The following CPNE4 variants were observed in gnomAD, a reference collection of about 807,000 sequenced individuals.
CPNE4 encodes copine 4, also known as copine-4.
Under a neutral mutation model 67.9 loss-of-function variants are expected in CPNE4, and 25 were observed. That is an observed-to-expected ratio of 0.37 (90% CI 0.27 to 0.51). The LOEUF (loss-of-function observed/expected upper bound fraction) is 0.51. Among genes scored for constraint, CPNE4 ranks in the 20% least tolerant of loss-of-function variants. The pLI, the probability that CPNE4 is intolerant of heterozygous loss-of-function variation, is 0.93. For synonymous variants in CPNE4, 242 were observed against 244.9 expected (o/e 0.99, Z 0.11); for missense variants, 464 against 690.8 (o/e 0.67, Z 3.68).
At chr3:132,028,674 G>A (rs570464354) in intron 1 of CPNE4, among the ~76,000 whole-genome samples, 17 of 152,094 alleles carry the variant, frequency 1.1e-4, no homozygotes, top group East Asian at 3.9e-4. Context: ...GAAAAATGGC[G>A]AAAGTAATTT....
chr3:131,573,162 T>TA (rs559561319), intron 10 of CPNE4, among the ~76,000 whole-genome samples: 8 of 152,090 alleles, frequency 5.3e-5, no homozygotes, highest in Non-Finnish European at 1.2e-4. Flanking sequence ...CCTGAAACCC[T>TA]ACAGGAGGAA....
intron 1 of CPNE4, among the ~76,000 whole-genome samples, chr3:131,984,300 A>G (rs1235345406): frequency 1.3e-5 from 2 of 152,196 alleles, no homozygotes; most frequent in Non-Finnish European, 1.5e-5. Context: ...TTAGAATTTA[A>G]TGGTTACAAC....
chr3:131,881,921 C>T (rs1261546809), intron 2 of CPNE4, among the ~76,000 whole-genome samples: 1 of 152,144 alleles, frequency 6.6e-6, no homozygotes, highest in Non-Finnish European at 1.5e-5. Context: ...TCTCTGCACA[C>T]AAAGATTTCT....
chr3:131,643,369 CTGGTAGCCCCT>C (rs2079584455), intron 7 of CPNE4, among the ~76,000 whole-genome samples: 1 of 152,188 alleles, frequency 6.6e-6, no homozygotes, highest in Non-Finnish European at 1.5e-5. Flanking sequence ...TTGCATGGGG[CTGGTAGCCCCT>C]TTGTTTTAGC....
chr3:131,844,115 G>C (rs140363787), intron 2 of CPNE4, among the ~76,000 whole-genome samples: 1 of 151,966 alleles, frequency 6.6e-6, no homozygotes, highest in Non-Finnish European at 1.5e-5. Flanking sequence ...CCTCATCCTC[G>C]TCCCCTCTTT....
chr3:131,637,020 G>A (rs1397375586), intron 7 of CPNE4, among the ~76,000 whole-genome samples: 1 of 152,128 alleles, frequency 6.6e-6, no homozygotes, highest in Admixed American at 6.5e-5. Context: ...GCACCCAGTG[G>A]GACAAAAGAA....
intron 7 of CPNE4, among the ~76,000 whole-genome samples, chr3:131,608,289 T>C (rs1244271463): frequency 6.6e-6 from 1 of 152,094 alleles, no homozygotes; most frequent in Non-Finnish European, 1.5e-5. Flanking sequence ...AACTACACAA[T>C]TTAATAAGTG....
In CPNE4 at chr3:131,879,022, C is replaced by T. The variant is rs114654610; in HGVS notation, c.180+26242G>A. Among the ~76,000 whole-genome samples the T allele has an allele frequency of 3.9e-3, 599 of 152,332 alleles. 6 individuals carry two copies. Among genetic ancestry groups the T allele is most frequent in the African/African-American group, 0.013 (544 of 41,576 alleles). ...AACATTCCATTGAAAGTACAACTGA[C>T]GCTGTCTCCTATTGCATTGATATCG... On this transcript the variant is annotated intron_variant, in intron 2 of 15. Transcript: ENST00000429747.
intron 2 of CPNE4, among the ~76,000 whole-genome samples, chr3:131,829,791 T>C (rs1375109586): frequency 6.6e-6 from 1 of 152,224 alleles, no homozygotes; most frequent in African/African-American, 2.4e-5. Context: ...TTGAGATACC[T>C]TCATACACAT....
intron 10 of CPNE4, 109 bp downstream of exon 10, chr3:131,574,962 G>C: frequency 2.3e-6 from 2 of 873,392 alleles, no homozygotes; most frequent in Non-Finnish European, 3.8e-6. Context: ...GAACAAAGCT[G>C]CCTGAAGGTT....
intron 2 of CPNE4, among the ~76,000 whole-genome samples, chr3:131,829,760 T>C (rs1289555249): frequency 6.6e-6 from 1 of 152,234 alleles, no homozygotes; most frequent in African/African-American, 2.4e-5. Flanking sequence ...AAACATTGGT[T>C]GGATTAAGCA....
At chr3:131,834,072 C>A (rs1175136913) in intron 2 of CPNE4, among the ~76,000 whole-genome samples, 1 of 152,126 alleles carries the variant, frequency 6.6e-6, no homozygotes, top group Non-Finnish European at 1.5e-5. Context: ...ATTTATGGAA[C>A]ACCAATTTTA....
chr3:131,890,088 G>T (rs1468936756), intron 2 of CPNE4, among the ~76,000 whole-genome samples: 1 of 152,054 alleles, frequency 6.6e-6, no homozygotes, highest in African/African-American at 2.4e-5. Flanking sequence ...AGACAAGTGA[G>T]ATAGTGTCAA....
intron 4 of CPNE4, among the ~76,000 whole-genome samples, chr3:131,698,449 G>A (rs1447739611): frequency 6.6e-6 from 1 of 151,888 alleles, no homozygotes; most frequent in Non-Finnish European, 1.5e-5. Flanking sequence ...CACCATCAGT[G>A]TCTTCAAAGA....
chr3:131,973,213 G>C (rs1034881763), intron 1 of CPNE4, among the ~76,000 whole-genome samples: 3 of 152,150 alleles, frequency 2.0e-5, no homozygotes, highest in African/African-American at 7.2e-5. Context: ...AGGAAGAAAA[G>C]AAAGGCTGGA....
At chr3:131,962,157 G>A (rs952727292) in intron 1 of CPNE4, among the ~76,000 whole-genome samples, 9 of 149,124 alleles carry the variant, frequency 6.0e-5, no homozygotes, top group Admixed American at 1.3e-4. Flanking sequence ...TTTGCTCCTC[G>A]AGGCCCTGCC....
intron 2 of CPNE4, among the ~76,000 whole-genome samples, chr3:131,887,703 A>G (rs1446675185): frequency 6.6e-6 from 1 of 152,140 alleles, no homozygotes; most frequent in Non-Finnish European, 1.5e-5. Context: ...CAAGCCCTAC[A>G]TTTGCATCTT....
intron 7 of CPNE4, among the ~76,000 whole-genome samples, chr3:131,633,162 CA>C (rs1289859158): frequency 6.6e-6 from 1 of 152,176 alleles, no homozygotes; most frequent in Admixed American, 6.5e-5. Flanking sequence ...GTTTTACTTT[CA>C]AAATATATCC....
chr3:131,563,467 C>G (rs966109537), intron 11 of CPNE4, among the ~76,000 whole-genome samples: 42 of 151,994 alleles, frequency 2.8e-4, no homozygotes, highest in African/African-American at 9.4e-4. Flanking sequence ...ATGCAAGATA[C>G]TCCTTACAGG....
Sources: allele counts gnomAD v4.1 joint callset (sites outside exome capture counted in the v4.1 genomes callset), GRCh38; gene constraint gnomAD v4.1.1; transcripts MANE v1.5; gene names NCBI Gene and HGNC (gene_info 2026-07-23, HGNC 2026-07-21).